The following WNK1 variants were observed in gnomAD, a reference collection of about 807,000 sequenced individuals.
WNK1 encodes serine/threonine-protein kinase WNK1.
WNK1 carries 38 observed loss-of-function variants against 222.8 expected under a neutral mutation model. The observed-to-expected ratio is 0.17, with a 90% CI of 0.13 to 0.22. The LOEUF (loss-of-function observed/expected upper bound fraction) is 0.22. Ranked by LOEUF, WNK1 falls within the 10% of genes least tolerant of loss-of-function variation. The probability of loss-of-function intolerance (pLI) is 1.00; values close to 1 mark genes in which losing one functional copy is unlikely to be tolerated. For synonymous variants in WNK1, 1,090 were observed against 1,092.9 expected, an observed-to-expected ratio of 1.00 and a Z score of 0.05; for missense variants, 2,348 against 2,918.4, an observed-to-expected ratio of 0.80 and a Z score of 4.50.
At position 878,282 on chromosome 12, in the gene WNK1, C is replaced by G. The variant is rs754623220; in HGVS notation, c.2294C>G (p.Ser765Cys). The change falls in exon 10 of 28, where the codon TCC (serine) becomes TGC (cysteine). Residue 765 changes from serine to cysteine, a missense_variant. Physicochemically the swap from Ser to Cys is moderately radical, Grantham distance 112 (BLOSUM62 -1). Coordinates refer to ENST00000315939, the MANE Select transcript of WNK1 (RefSeq NM_018979.4). ...TATTCACTTTCACAGACATCAACCTCCAGTGAGGCCACTACTGCACAGCCA... is the reference window on the plus strand; with the variant it reads ...TATTCACTTTCACAGACATCAACCTGCAGTGAGGCCACTACTGCACAGCCA... ...VQYSLSQTST[S>C]SEATTAQPVS... The G allele has an allele frequency of 3.7e-6, 6 of 1,613,966 alleles. No homozygotes were observed. The African/African-American group carries it at 6.7e-5, about 18-fold the overall frequency.
At chr12:888,491 G>A (rs1032241131) in intron 20 of WNK1, among the ~76,000 whole-genome samples, 3 of 152,196 alleles carry the variant, frequency 2.0e-5, no homozygotes, top group Non-Finnish European at 4.4e-5. Flanking sequence ...TAGAGGGAAA[G>A]GCCTAAGCAA....
At chr12:819,649 AG>A in intron 2 of WNK1, among the ~76,000 whole-genome samples, 1 of 152,214 alleles carries the variant, frequency 6.6e-6, no homozygotes, top group Non-Finnish European at 1.5e-5. Context: ...TAAATAACCA[AG>A]GGCATACAGA....
rs1271521916 is a variant in WNK1, at chr12:879,873, G to C, written c.2674G>C (p.Val892Leu). ...TGCGATCCCGGGGGTATCAACTGTG[G>C]TTCCTAGTCAGCTTCCAACCCTTCT... ...TAAIPGVSTV[V>L]PSQLPTLLQP... Residue 892 changes from valine (V) to leucine (L), a missense_variant, in exon 11 of 28, where the codon GTT (valine) becomes CTT (leucine). Val to Leu is a conservative substitution (Grantham distance 32). Coordinates refer to ENST00000315939, the MANE Select transcript of WNK1 (RefSeq NM_018979.4). 1 of 1,614,112 alleles carries C rather than the reference G, an allele frequency of 6.2e-7. No individual in the cohort carries two copies. Among genetic ancestry groups the C allele is most frequent in the South Asian group, 1.1e-5 (1 of 91,076 alleles).
rs184175116 is a variant in WNK1, at chr12:794,932, T to A, written c.760-18710T>A. Among the ~76,000 whole-genome samples the A allele has an allele frequency of 5.7e-3, 871 of 152,074 alleles. 1 individual carries two copies. Among genetic ancestry groups the A allele is most frequent in the Non-Finnish European group, 9.5e-3 (646 of 67,970 alleles). Reference sequence around the variant, plus strand: ...GTGCCTGGCTAATTTTTTTAAAAAATTGTGTAGAGATGTGGTCTTGCTGTG... The same window carrying A: ...GTGCCTGGCTAATTTTTTTAAAAAAATGTGTAGAGATGTGGTCTTGCTGTG... On this transcript the variant is annotated intron_variant, in intron 1 of 27. Transcript: ENST00000315939.
At chr12:758,536 C>G (rs1419757026) in intron 1 of WNK1, among the ~76,000 whole-genome samples, 1 of 143,504 alleles carries the variant, frequency 7.0e-6, no homozygotes, top group Non-Finnish European at 1.6e-5. Flanking sequence ...TACAGGCGCC[C>G]GCCACCGTGC....
At chr12:754,531 A>G (rs1939680487) in intron 1 of WNK1, among the ~76,000 whole-genome samples, 1 of 152,220 alleles carries the variant, frequency 6.6e-6, no homozygotes, top group African/African-American at 2.4e-5. Context: ...TGGTAGCCAG[A>G]GGGATTTGCT....
At chr12:820,470 T>G (rs1947762549) in intron 2 of WNK1, among the ~76,000 whole-genome samples, 2 of 145,252 alleles carry the variant, frequency 1.4e-5, no homozygotes, top group Non-Finnish European at 1.5e-5. Flanking sequence ...TTTGGGGTTT[T>G]TTTTTTTTTT....
Position 881,781 on chromosome 12 carries a change from T to C in WNK1, c.3201T>C (p.Ser1067=). 6.2e-7 allele frequency: 1 copy of C among 1,614,216 alleles called. No homozygotes were observed. The highest frequency in any genetic ancestry group is 1.1e-5 in the South Asian group (1 of 91,088). Residue 1067 remains serine, a synonymous_variant, in exon 13 of 28, where the codon TCT becomes TCC. Transcript: ENST00000315939. ...QATQPTTLAS[S]VDSAHSDVAS... ...CCCAGCCGACCACTTTGGCTTCCTCTGTAGACAGGTACGTAAAACTAGAAT... is the reference window on the plus strand; with the variant it reads ...CCCAGCCGACCACTTTGGCTTCCTCCGTAGACAGGTACGTAAAACTAGAAT...
At chr12:868,414 T>G (rs1951863606) in intron 8 of WNK1, 6 of 1,613,870 alleles carry the variant, frequency 3.7e-6, no homozygotes, top group Non-Finnish European at 5.1e-6. Context: ...CTTCAAGTTC[T>G]GTCTTTGAAT....
intron 24 of WNK1, 22 bp downstream of exon 24, chr12:896,754 A>C: frequency 6.2e-7 from 1 of 1,606,306 alleles, no homozygotes; most frequent in Non-Finnish European, 8.5e-7. Context: ...TTCTCTTGTG[A>C]AAGAATGTCA....
At chr12:877,103 G>T (rs1349622330) in intron 9 of WNK1, among the ~76,000 whole-genome samples, 2 of 101,692 alleles carry the variant, frequency 2.0e-5, no homozygotes. Context: ...CGATCTTGTT[G>T]CCCATGCTGG....
chr12:793,609 C>T (rs1006512038), intron 1 of WNK1, among the ~76,000 whole-genome samples: 1 of 152,196 alleles, frequency 6.6e-6, no homozygotes, highest in South Asian at 2.1e-4. Context: ...ATGAAGTGGG[C>T]CATTTCTTCT....
chr12:773,460 A>C (rs1300619193), intron 1 of WNK1, among the ~76,000 whole-genome samples: 1 of 152,208 alleles, frequency 6.6e-6, no homozygotes, highest in Non-Finnish European at 1.5e-5. Flanking sequence ...TTTAAAAGGA[A>C]CTACTTCCCA....
At chr12:888,487 GAA>G (rs1351515432) in intron 20 of WNK1, among the ~76,000 whole-genome samples, 4 of 152,184 alleles carry the variant, frequency 2.6e-5, no homozygotes, top group Admixed American at 2.6e-4. Context: ...TAGATAGAGG[GAA>G]AGGCCTAAGC....
At position 868,942 on chromosome 12, in the gene WNK1, A is replaced by G. The variant is rs760642457; in HGVS notation, c.2140-2323A>G. On this transcript the variant is annotated intron_variant, in intron 8 of 27. Transcript: ENST00000315939. ...TTCAGTCACCTCCCCCTACAGGGGG[A>G]GCAGCTGCACCTTTTGGCTCTGACG... The G allele has an allele frequency of 1.1e-4, 170 of 1,589,066 alleles. 2 individuals carry two copies. The East Asian group carries it at 3.8e-3, about 35-fold the overall frequency.
chr12:756,246 C>A (rs1940008580), intron 1 of WNK1, among the ~76,000 whole-genome samples: 1 of 152,092 alleles, frequency 6.6e-6, no homozygotes, highest in Non-Finnish European at 1.5e-5. Context: ...TTAATTATTT[C>A]ACTTCTGAGA....
chr12:856,619 A>T (rs577234906), intron 4 of WNK1, among the ~76,000 whole-genome samples: 1 of 152,116 alleles, frequency 6.6e-6, no homozygotes, highest in Non-Finnish European at 1.5e-5. Context: ...ATTACTTTTC[A>T]TTGTGTTTTA....
chr12:908,298 T>A, intron 27 of WNK1, 177 bp from the exon 28 acceptor site: 1 of 772,172 alleles, frequency 1.3e-6, no homozygotes, highest in Non-Finnish European at 2.1e-6. Flanking sequence ...GCACATGACA[T>A]CCCTCCCTCT....
intron 1 of WNK1, among the ~76,000 whole-genome samples, chr12:799,595 A>G (rs574629642): frequency 3.9e-4 from 59 of 152,336 alleles, no homozygotes; most frequent in African/African-American, 1.1e-3. Flanking sequence ...TAATCGCAGC[A>G]TTTTAGGAGG....
Sources: allele counts gnomAD v4.1 joint callset (sites outside exome capture counted in the v4.1 genomes callset), GRCh38; gene constraint gnomAD v4.1.1; transcripts MANE v1.5; gene names NCBI Gene and HGNC (gene_info 2026-07-23, HGNC 2026-07-21).